TENM4: variants seen among roughly 807,000 people sequenced by gnomAD.
TENM4 encodes the protein teneurin transmembrane protein 4.
TENM4 carries 82 observed loss-of-function variants against 243.3 expected under a neutral mutation model. The observed-to-expected ratio is 0.34, with a 90% CI of 0.28 to 0.40. The LOEUF (loss-of-function observed/expected upper bound fraction) is 0.40. Among genes scored for constraint, TENM4 ranks in the 10% least tolerant of loss-of-function variants. The pLI, the probability that TENM4 is intolerant of heterozygous loss-of-function variation, is 1.00. For missense variants in TENM4, 3,138 were observed against 3,673.3 expected (o/e 0.85, Z 3.77); for synonymous variants, 1,412 against 1,456.3 (o/e 0.97, Z 0.69).
intron 6 of TENM4, among the ~76,000 whole-genome samples, chr11:79,015,264 C>A (rs950649202): frequency 6.6e-6 from 1 of 152,132 alleles, no homozygotes; most frequent in Non-Finnish European, 1.5e-5. Flanking sequence ...GGATTGGAAC[C>A]CAGGCAGTCT....
chr11:79,279,960 G>A (rs558115241), intron 2 of TENM4, among the ~76,000 whole-genome samples: 1 of 152,052 alleles, frequency 6.6e-6, no homozygotes, highest in African/African-American at 2.4e-5. Context: ...GAACTAGCTC[G>A]GCCCCCTTTT....
At chr11:78,721,459 C>G (rs1487840111) in intron 24 of TENM4, among the ~76,000 whole-genome samples, 1 of 152,188 alleles carries the variant, frequency 6.6e-6, no homozygotes, top group African/African-American at 2.4e-5. Context: ...CAGGGAGGAA[C>G]TTAACAAGGC....
intron 12 of TENM4, among the ~76,000 whole-genome samples, chr11:78,842,930 T>G (rs1858296155): frequency 6.6e-6 from 1 of 152,114 alleles, no homozygotes; most frequent in African/African-American, 2.4e-5. Context: ...TCCCAGCGCT[T>G]TGGGAGGCTG....
intron 6 of TENM4, among the ~76,000 whole-genome samples, chr11:79,004,601 T>C (rs1211378894): frequency 1.3e-5 from 2 of 151,974 alleles, no homozygotes; most frequent in Non-Finnish European, 2.9e-5. Context: ...CTCTAAAGCA[T>C]TGTTAAGATG....
chr11:78,770,832 T>G (rs940992577), intron 18 of TENM4, among the ~76,000 whole-genome samples, 160 bp downstream of exon 18: 4 of 152,244 alleles, frequency 2.6e-5, no homozygotes, highest in African/African-American at 7.2e-5. Flanking sequence ...TGATATGCAC[T>G]CATCCCTAAG....
At chr11:79,037,478 T>A (rs1472438138) in intron 6 of TENM4, among the ~76,000 whole-genome samples, 1 of 152,212 alleles carries the variant, frequency 6.6e-6, no homozygotes, top group African/African-American at 2.4e-5. Context: ...TTCTGATTGG[T>A]TAGTGATCAA....
intron 1 of TENM4, among the ~76,000 whole-genome samples, chr11:79,300,974 A>C (rs1463488743): frequency 6.6e-6 from 1 of 152,082 alleles, no homozygotes; most frequent in East Asian, 1.9e-4. Flanking sequence ...TCAATCACCA[A>C]GTCCTATCAG....
chr11:78,787,792 C>A (rs188003479), intron 15 of TENM4, among the ~76,000 whole-genome samples: 12 of 152,354 alleles, frequency 7.9e-5, no homozygotes, highest in Non-Finnish European at 4.4e-5. Context: ...GAGGGGGGCC[C>A]TTCATAGCCA....
intron 6 of TENM4, among the ~76,000 whole-genome samples, chr11:78,983,037 G>A (rs995204652): frequency 6.6e-6 from 1 of 152,164 alleles, no homozygotes; most frequent in Admixed American, 6.5e-5. Context: ...GCCTTTGCTT[G>A]ACTATTTCTT....
intron 32 of TENM4, among the ~76,000 whole-genome samples, chr11:78,662,799 A>G (rs917057243): frequency 1.3e-5 from 2 of 152,232 alleles, no homozygotes; most frequent in Non-Finnish European, 2.9e-5. Context: ...CATGAATAAC[A>G]TTGATACAAG....
chr11:78,810,254 C>T (rs553707170), intron 14 of TENM4, among the ~76,000 whole-genome samples: 7 of 152,152 alleles, frequency 4.6e-5, no homozygotes. Flanking sequence ...ACCAGATGGC[C>T]CTCCTCAGAA....
intron 6 of TENM4, among the ~76,000 whole-genome samples, chr11:78,944,628 G>C (rs1428320218): frequency 3.3e-5 from 5 of 152,172 alleles, no homozygotes; most frequent in African/African-American, 7.2e-5. Flanking sequence ...TGTCATTCCT[G>C]GTGCCCAAGA....
At chr11:79,306,451 T>C (rs944354492) in intron 1 of TENM4, among the ~76,000 whole-genome samples, 1 of 151,988 alleles carries the variant, frequency 6.6e-6, no homozygotes, top group Admixed American at 6.6e-5. Context: ...AGGGAAGGTG[T>C]GTGGGGAAAG....
chr11:78,942,012 G>A (rs1043302062), intron 6 of TENM4, among the ~76,000 whole-genome samples: 2 of 151,428 alleles, frequency 1.3e-5, no homozygotes, highest in African/African-American at 4.9e-5. Context: ...CTGGGGCAGG[G>A]GTGTCCAATC....
At chr11:79,061,202 G>A (rs1860077060) in intron 6 of TENM4, among the ~76,000 whole-genome samples, 1 of 152,144 alleles carries the variant, frequency 6.6e-6, no homozygotes. Context: ...TGAATAAAAG[G>A]GAGCCATTCC....
intron 6 of TENM4, among the ~76,000 whole-genome samples, chr11:78,958,647 G>T (rs909156310): frequency 6.6e-5 from 10 of 152,328 alleles, no homozygotes; most frequent in South Asian, 6.2e-4. Flanking sequence ...TGGGATGGCA[G>T]CTCAGGCTGG....
At chr11:79,396,351 AG>A (rs1858344542) in intron 1 of TENM4, among the ~76,000 whole-genome samples, 1 of 152,162 alleles carries the variant, frequency 6.6e-6, no homozygotes, top group African/African-American at 2.4e-5. Flanking sequence ...TTCAAGGAGT[AG>A]CTATAGATTG....
At chr11:79,383,056 G>A (rs987374061) in intron 1 of TENM4, among the ~76,000 whole-genome samples, 13 of 152,156 alleles carry the variant, frequency 8.5e-5, no homozygotes, top group African/African-American at 2.4e-4. Flanking sequence ...CCCTGGCCCC[G>A]CCATCCATCT....
chr11:78,760,202 T>TA (rs1175179644), intron 18 of TENM4, among the ~76,000 whole-genome samples: 1 of 152,156 alleles, frequency 6.6e-6, no homozygotes, highest in African/African-American at 2.4e-5. Flanking sequence ...GAGGGATGAA[T>TA]AAATGACTGA....
Sources: gnomAD v4.1 joint callset for allele counts (sites outside exome capture counted in the v4.1 genomes callset) on GRCh38, gnomAD v4.1.1 for gene constraint, MANE v1.5 for transcripts, NCBI Gene and HGNC (gene_info 2026-07-23, HGNC 2026-07-21) for gene names.